The following POLA1 variants were observed in gnomAD, a reference collection of about 807,000 sequenced individuals.
The protein encoded by POLA1 is DNA polymerase alpha catalytic subunit.
Under a neutral mutation model 124.0 loss-of-function variants are expected in POLA1, and 15 were observed. That is an observed-to-expected ratio of 0.12 (90% confidence interval 0.08 to 0.19). The LOEUF (loss-of-function observed/expected upper bound fraction) is 0.19, where lower values mean the gene tolerates loss of function less well. POLA1 is among the 10% of genes least tolerant of loss of function. The probability of loss-of-function intolerance (pLI) is 1.00; values close to 1 mark genes in which losing one functional copy is unlikely to be tolerated. For synonymous variants in POLA1, 408 were observed against 389.4 expected, an observed-to-expected ratio of 1.05 and a Z score of -0.56; for missense variants, 886 against 1,103.4, an observed-to-expected ratio of 0.80 and a Z score of 2.79.
chrX:24,992,608 C>T (rs1217066143), intron 36 of POLA1, among the ~76,000 whole-genome samples: 3 of 112,236 alleles, frequency 2.7e-5, no homozygotes, highest in Admixed American at 9.4e-5. Context: ...AACCAGTAGG[C>T]GATGTTAAAA....
At chrX:24,823,333 GCACT>G (rs2046119652) in intron 31 of POLA1, among the ~76,000 whole-genome samples, 2 of 110,966 alleles carry the variant, frequency 1.8e-5, no homozygotes, top group Admixed American at 1.9e-4. Flanking sequence ...TTGCTTTTAA[GCACT>G]CAAATTATTC....
chrX:24,887,073 G>A (rs934702629), intron 34 of POLA1, among the ~76,000 whole-genome samples: 2 of 111,911 alleles, frequency 1.8e-5, no homozygotes, highest in African/African-American at 6.5e-5. Context: ...TTATACTTAC[G>A]CCTCTGTGGC....
chrX:24,783,910 A>G (rs1225627572), intron 26 of POLA1, among the ~76,000 whole-genome samples: 1 of 111,504 alleles, frequency 9.0e-6, no homozygotes, highest in Non-Finnish European at 1.9e-5. Context: ...GCTAGTGACT[A>G]CAGTGAGTAC....
At chrX:24,929,237 C>T (rs1014659174) in intron 35 of POLA1, among the ~76,000 whole-genome samples, 9 of 111,876 alleles carry the variant, frequency 8.0e-5, no homozygotes, top group African/African-American at 2.6e-4. Flanking sequence ...AGTGCTATTT[C>T]CATATCCAGT....
intron 36 of POLA1, among the ~76,000 whole-genome samples, chrX:24,953,018 C>A (rs1287009043): frequency 8.9e-6 from 1 of 112,115 alleles, no homozygotes; most frequent in Admixed American, 9.5e-5. Context: ...ATGAACTGTT[C>A]TTTACATGTA....
In POLA1 at chrX:24,996,093, A is replaced by T; in HGVS notation, c.*143A>T. On this transcript the variant is annotated 3_prime_UTR_variant, in exon 37 of 37. Transcript: ENST00000379068. Reference sequence around the variant, plus strand: ...TGTTTGTGTGAATGTAGACCAGGAAAGGGGGCTGCAAAAATGTTGAGTCTA... The same window carrying T: ...TGTTTGTGTGAATGTAGACCAGGAATGGGGGCTGCAAAAATGTTGAGTCTA... 1 of 500,121 alleles carries T rather than the reference A, an allele frequency of 2.0e-6. No homozygotes were observed. The highest frequency in any genetic ancestry group is 4.1e-5 in the South Asian group (1 of 24,273). The allele number at this position is 500,121 out of a possible 1,213,427, so 41.2% of individuals were successfully genotyped here. A position where few individuals can be genotyped will look rare whatever the true frequency, so the allele number is the denominator to read the frequency against.
intron 26 of POLA1, among the ~76,000 whole-genome samples, chrX:24,751,906 C>T (rs1411101338): frequency 1.8e-5 from 2 of 111,603 alleles, no homozygotes; most frequent in African/African-American, 3.3e-5. Context: ...TAGTAACCTG[C>T]AGATCTTACA....
chrX:24,727,584 A>G (rs1185553329), intron 14 of POLA1, among the ~76,000 whole-genome samples, 198 bp from the exon 15 acceptor site: 1 of 112,207 alleles, frequency 8.9e-6, no homozygotes, highest in Non-Finnish European at 1.9e-5. Flanking sequence ...TTCCCAGGAA[A>G]ATGAACATAT....
chrX:24,793,352 G>A (rs1168182706), intron 26 of POLA1, among the ~76,000 whole-genome samples: 10 of 107,316 alleles, frequency 9.3e-5, no homozygotes, highest in African/African-American at 3.4e-4. Context: ...TCTACTTTCA[G>A]GAGGATGAGG....
intron 23 of POLA1, among the ~76,000 whole-genome samples, chrX:24,745,002 T>G (rs867429699): frequency 0.026 from 1,479 of 56,481 alleles, 72 homozygotes; most frequent in African/African-American, 0.11. Flanking sequence ...TTATTTGGGG[T>G]GGGGGGTGGG....
chrX:24,893,016 C>G (rs1204505077), intron 35 of POLA1, among the ~76,000 whole-genome samples: 1 of 112,093 alleles, frequency 8.9e-6, no homozygotes, highest in Non-Finnish European at 1.9e-5. Context: ...AAATAATGAA[C>G]TTATAATCAT....
rs755969270 is a variant in POLA1, at chrX:24,954,115, T to C, written c.4261+23566T>C. 6.2e-5 allele frequency among the ~76,000 whole-genome samples: 7 copies of C among 112,468 alleles called. No individual in the cohort carries two copies. In the South Asian group the frequency reaches 2.2e-3, roughly 36 times the overall value. ...CACATTAGTTCCAGGAAGTGCACTGTAAAGACCTGTTGGTTTTAGTTTTCT... is the reference window on the plus strand; with the variant it reads ...CACATTAGTTCCAGGAAGTGCACTGCAAAGACCTGTTGGTTTTAGTTTTCT... On this transcript the variant is annotated intron_variant, in intron 36 of 36. Transcript: ENST00000379068.
Position 24,996,680 on chromosome X carries a change from CAT to C in POLA1, c.*731_*732del, listed in dbSNP as rs761996407. On this transcript the variant is annotated 3_prime_UTR_variant, in exon 37 of 37. Coordinates refer to ENST00000379068, the MANE Select transcript of POLA1 (RefSeq NM_001330360.2). ...ATTTGATACTCTAACAATCCATTAA[CAT>C]GTGTAGGGGTTACGGTGAGGATCAC... 7 of 112,539 alleles carry C rather than the reference CAT, an allele frequency of 6.2e-5. No individual in the cohort carries two copies. The East Asian group carries it at 1.4e-3, about 22-fold the overall frequency. The allele number at this position is 112,539 out of a possible 1,213,427, so 9.3% of individuals were successfully genotyped here. A position where few individuals can be genotyped will look rare whatever the true frequency, so the allele number is the denominator to read the frequency against.
At chrX:24,715,496 A>G (rs1372119176) in intron 6 of POLA1, among the ~76,000 whole-genome samples, 2 of 111,019 alleles carry the variant, frequency 1.8e-5, no homozygotes, top group Admixed American at 9.6e-5. Context: ...AGGTTTCACT[A>G]TGTTGGCCAG....
intron 26 of POLA1, among the ~76,000 whole-genome samples, chrX:24,806,009 TAA>T (rs1180272861): frequency 1.0e-5 from 1 of 99,791 alleles, no homozygotes; most frequent in Non-Finnish European, 2.0e-5. Context: ...CTGTAATGTA[TAA>T]GTGTTTGATT....
At chrX:24,820,981 C>T (rs951790896) in intron 30 of POLA1, among the ~76,000 whole-genome samples, 2 of 111,808 alleles carry the variant, frequency 1.8e-5, no homozygotes, top group African/African-American at 6.5e-5. Flanking sequence ...TTCATTCTAC[C>T]TCTGTAGAGG....
At position 24,738,360 on chromosome X, in the gene POLA1, T is replaced by C. The variant is rs1000994803; in HGVS notation, c.2040+619T>C. 5.1e-4 allele frequency among the ~76,000 whole-genome samples: 57 copies of C among 111,407 alleles called. 1 individual carries two copies. The highest frequency in any genetic ancestry group is 7.0e-4 in the Non-Finnish European group (37 of 53,013). On this transcript the variant is annotated intron_variant, in intron 19 of 36. Coordinates refer to ENST00000379068, the MANE Select transcript of POLA1 (RefSeq NM_001330360.2). ...TGAAGTGATAGCCCTTAGGGCAAGG[T>C]TGCATGGTTCAGAAATCGTTGAGTG...
At chrX:24,988,232 T>G (rs2048499140) in intron 36 of POLA1, among the ~76,000 whole-genome samples, 1 of 112,722 alleles carries the variant, frequency 8.9e-6, no homozygotes, top group African/African-American at 3.2e-5. Flanking sequence ...CTGTGTACAC[T>G]GGACTGTATT....
intron 35 of POLA1, among the ~76,000 whole-genome samples, chrX:24,912,996 C>G (rs2147183317): frequency 8.9e-6 from 1 of 111,824 alleles, no homozygotes; most frequent in South Asian, 3.8e-4. Context: ...ATCCAGCAGT[C>G]CTGTTCCTGT....
Sources: gnomAD v4.1 joint callset for allele counts (sites outside exome capture counted in the v4.1 genomes callset) on GRCh38, gnomAD v4.1.1 for gene constraint, MANE v1.5 for transcripts, NCBI Gene and HGNC (gene_info 2026-07-23, HGNC 2026-07-21) for gene names.